Variants in DCT observed in about 807,000 individuals in gnomAD.
The protein encoded by DCT is dopachrome tautomerase, also known as L-dopachrome tautomerase.
In DCT, 47 loss-of-function variants were observed where a neutral mutation model predicts 53.0. The observed-to-expected ratio is 0.89, with a 90% CI of 0.70 to 1.13. The LOEUF is 1.13. Among genes scored for constraint, DCT ranks in the 50% most tolerant of loss-of-function variants. DCT has a pLI of 0.00. For synonymous variants in DCT, 244 were observed against 237.0 expected, an observed-to-expected ratio of 1.03 and a Z score of -0.27; for missense variants, 669 against 637.4, an observed-to-expected ratio of 1.05 and a Z score of -0.53.
the DCT span, among the ~76,000 whole-genome samples, chr13:94,527,782 A>G: frequency 6.6e-6 from 1 of 152,232 alleles, no homozygotes; most frequent in Non-Finnish European, 1.5e-5. Context: ...TAGACAGAGA[A>G]TGAGTTTGAC....
chr13:94,448,858 C>T (rs771043916), intron 6 of DCT, among the ~76,000 whole-genome samples: 3 of 151,514 alleles, frequency 2.0e-5, no homozygotes, highest in Non-Finnish European at 2.9e-5. Flanking sequence ...GAGCCAAGAA[C>T]GCACCACTGC....
In DCT at chr13:94,462,170, G is replaced by T; in HGVS notation, c.883C>A (p.Leu295Met). 2 of 1,612,734 alleles carry T rather than the reference G, an allele frequency of 1.2e-6. No homozygotes were observed. Among genetic ancestry groups the T allele is most frequent in the Non-Finnish European group, 1.7e-6 (2 of 1,179,068 alleles). ...TAGGTTCCATTGCACAAGGTGACCA[G>T]GTGGTTGTAGTCATCCAAGCTAAGA... ...VCDSLDDYNH[L>M]VTLCNGTYEG... Residue 295 changes from leucine (L) to methionine (M), a missense_variant, in exon 5 of 8, where the codon CTG becomes ATG. By Grantham distance (15) the Leu-to-Met change is conservative. Coordinates refer to ENST00000377028, the MANE Select transcript of DCT (RefSeq NM_001922.5).
At chr13:94,524,737 C>T in the DCT span, among the ~76,000 whole-genome samples, 4 of 151,810 alleles carry the variant, frequency 2.6e-5, no homozygotes, top group Non-Finnish European at 5.9e-5. Flanking sequence ...TGAATTGTGC[C>T]CTCGTGCCCC....
intron 6 of DCT, chr13:94,445,648 C>T: frequency 7.1e-6 from 7 of 987,090 alleles, no homozygotes; most frequent in African/African-American, 1.6e-5. Context: ...TAATCGTAAT[C>T]TGTTATGCAG....
the DCT span, among the ~76,000 whole-genome samples, chr13:94,532,537 C>G: frequency 3.9e-5 from 6 of 152,122 alleles, no homozygotes; most frequent in African/African-American, 1.4e-4. Flanking sequence ...ATCACGAGGA[C>G]AGAAAACCAA....
the DCT span, among the ~76,000 whole-genome samples, chr13:94,522,620 T>TA: frequency 4.6e-5 from 7 of 152,196 alleles, no homozygotes; most frequent in Admixed American, 6.5e-5. Flanking sequence ...TGCTAAGTTA[T>TA]AAAAAAAAGT....
intron 1 of DCT, among the ~76,000 whole-genome samples, chr13:94,472,545 TA>T (rs1884759121): frequency 1.6e-4 from 5 of 30,642 alleles, no homozygotes; most frequent in African/African-American, 5.7e-4. Context: ...TATATATATA[TA>T]TATATATATA....
rs1397696872 is a variant in DCT, at chr13:94,443,532, TC to T, written c.1284del (p.Met429CysfsTer11). The T allele has an allele frequency of 1.2e-6, 2 of 1,613,934 alleles. No individual in the cohort carries two copies. Among genetic ancestry groups the T allele is most frequent in the Middle Eastern group, 1.6e-4 (1 of 6,062 alleles). On this transcript the variant is annotated frameshift_variant, in exon 7 of 8. Transcript: ENST00000377028. LOFTEE classifies it high-confidence loss of function. ...GGGAAGAAAGGAACCATGTTGTACA[TC>T]CGATTGTGACCAATAGGGGCCAGCT... ...PQELAPIGHN[R>X]MYNMVPFFPP...
the DCT span, among the ~76,000 whole-genome samples, chr13:94,527,908 G>A: frequency 6.6e-6 from 1 of 152,288 alleles, no homozygotes; most frequent in African/African-American, 2.4e-5. Context: ...TTAGATGAAT[G>A]GCTAGCTAGA....
the DCT span, among the ~76,000 whole-genome samples, chr13:94,533,277 A>G: frequency 2.0e-5 from 3 of 151,850 alleles, no homozygotes; most frequent in African/African-American, 7.3e-5. Context: ...ATAACCCATC[A>G]TTTCTCAAAG....
intron 6 of DCT, among the ~76,000 whole-genome samples, chr13:94,450,877 C>T (rs758790083): frequency 6.6e-6 from 1 of 152,126 alleles, no homozygotes; most frequent in African/African-American, 2.4e-5. Flanking sequence ...ATGCTAGAAC[C>T]ATCTTAGATT....
In DCT at chr13:94,479,241, C is replaced by G. The variant is rs763076477; in HGVS notation, c.15G>C (p.Trp5Cys). 6.3e-7 allele frequency: 1 copy of G among 1,587,450 alleles called. No individual in the cohort carries two copies. The highest frequency in any genetic ancestry group is 2.3e-5 in the East Asian group (1 of 44,220). The change falls in exon 1 of 8, where the codon TGG becomes TGC. Residue 5 changes from tryptophan to cysteine, a missense_variant. Trp to Cys is a radical substitution (Grantham distance 215). Coordinates refer to ENST00000377028, the MANE Select transcript of DCT (RefSeq NM_001922.5). ...CCAAGCAACTGAGCAGAAACCCCCA[C>G]CAAAGGGGGCTCATGGCTTTATAAT... The part of the protein sequence containing the change: MSPL[W>C]WGFLLSCLGC...
intron 7 of DCT, among the ~76,000 whole-genome samples, chr13:94,441,152 A>C (rs921349282): frequency 6.6e-6 from 1 of 152,030 alleles, no homozygotes; most frequent in Admixed American, 6.6e-5. Context: ...GGAGGTCCTG[A>C]CCTGTCCTGA....
At chr13:94,535,856 T>G in the DCT span, among the ~76,000 whole-genome samples, 1 of 152,160 alleles carries the variant, frequency 6.6e-6, no homozygotes, top group Non-Finnish European at 1.5e-5. Context: ...AAAACACTAT[T>G]AATATATTGG....
At chr13:94,535,291 A>G in the DCT span, among the ~76,000 whole-genome samples, 1 of 152,338 alleles carries the variant, frequency 6.6e-6, no homozygotes, top group South Asian at 2.1e-4. Context: ...AAATGATGGA[A>G]GAGGTTCAAG....
the DCT span, among the ~76,000 whole-genome samples, chr13:94,521,505 G>T: frequency 6.6e-6 from 1 of 152,074 alleles, no homozygotes; most frequent in Non-Finnish European, 1.5e-5. Context: ...CCCCGTCTTT[G>T]CTAAAAATAC....
At position 94,479,087 on chromosome 13, in the gene DCT, C is replaced by G. The variant is rs1885299514; in HGVS notation, c.169G>C (p.Gly57Arg). 1 of 1,614,256 alleles carries G rather than the reference C, an allele frequency of 6.2e-7. No individual in the cohort carries two copies. The highest frequency in any genetic ancestry group is 2.2e-5 in the East Asian group (1 of 44,872). ...CGCACCTCTGTGCACTGCCCCCGGC[C>G]TTGCTGAGAGCCACAGACATTGGCC... ...ESANVCGSQQ[G>R]RGQCTEVRAD... The change falls in exon 1 of 8, where the codon GGC (glycine) becomes CGC (arginine). Residue 57 changes from glycine to arginine, a missense_variant. Gly to Arg is a moderately radical substitution (Grantham distance 125). Coordinates refer to ENST00000377028, the MANE Select transcript of DCT (RefSeq NM_001922.5).
At chr13:94,472,521 CAT>C (rs1555334365) in intron 1 of DCT, among the ~76,000 whole-genome samples, 450 of 25,272 alleles carry the variant, frequency 0.018, no homozygotes, top group East Asian at 0.031. Context: ...TACATACATA[CAT>C]ATATATATAT....
intron 4 of DCT, among the ~76,000 whole-genome samples, chr13:94,463,365 T>A (rs1883946896): frequency 6.7e-6 from 1 of 149,246 alleles, no homozygotes; most frequent in South Asian, 2.1e-4. Context: ...AACCTCCACC[T>A]CCTGAGTTCA....
Sources: allele counts gnomAD v4.1 joint callset (sites outside exome capture counted in the v4.1 genomes callset), GRCh38; gene constraint gnomAD v4.1.1; transcripts MANE v1.5; gene names NCBI Gene and HGNC (gene_info 2026-07-23, HGNC 2026-07-21).